CD86: variants seen among roughly 807,000 people sequenced by gnomAD.
The protein encoded by CD86 is CD86 molecule, also known as T-lymphocyte activation antigen CD86.
A neutral mutation model predicts 32.1 loss-of-function variants in CD86; 11 were observed. The ratio of observed to expected loss-of-function variants is 0.34; its 90% CI spans 0.22 to 0.57. CD86 has a LOEUF of 0.57. Among genes scored for constraint, CD86 ranks in the 20% least tolerant of loss-of-function variants. The pLI, the probability that CD86 is intolerant of heterozygous loss-of-function variation, is 0.86. For synonymous variants in CD86, 137 were observed against 135.3 expected, an observed-to-expected ratio of 1.01 and a Z score of -0.09; for missense variants, 359 against 398.4, an observed-to-expected ratio of 0.90 and a Z score of 0.84.
intron 2 of CD86, among the ~76,000 whole-genome samples, chr3:122,103,034 C>A (rs969454078): frequency 5.9e-5 from 9 of 151,882 alleles, no homozygotes; most frequent in African/African-American, 2.2e-4. Flanking sequence ...CATAGCAGAC[C>A]AAGGAATATG....
chr3:122,097,156 G>C (rs1395939283), intron 2 of CD86, among the ~76,000 whole-genome samples: 2 of 152,144 alleles, frequency 1.3e-5, no homozygotes, highest in East Asian at 3.9e-4. Context: ...TGGGCAAAAA[G>C]AATGGTTTCT....
chr3:122,082,922 G>A (rs2072654825), intron 1 of CD86, among the ~76,000 whole-genome samples: 1 of 152,218 alleles, frequency 6.6e-6, no homozygotes, highest in Non-Finnish European at 1.5e-5. Flanking sequence ...AGCATCCACT[G>A]TGGGATCAGT....
At chr3:122,100,391 C>T (rs1168195837) in intron 2 of CD86, among the ~76,000 whole-genome samples, 1 of 152,138 alleles carries the variant, frequency 6.6e-6, no homozygotes, top group African/African-American at 2.4e-5. Flanking sequence ...AAATAATAAC[C>T]TCAGGGAAAC....
At chr3:122,116,575 T>A (rs984759804) in intron 5 of CD86, among the ~76,000 whole-genome samples, 3 of 152,128 alleles carry the variant, frequency 2.0e-5, no homozygotes, top group East Asian at 1.9e-4. Context: ...ACAGAAATTT[T>A]AAAAAATTTA....
intron 1 of CD86, 94 bp downstream of exon 1, chr3:122,055,597 C>A: frequency 2.6e-6 from 3 of 1,143,334 alleles, no homozygotes; most frequent in Non-Finnish European, 4.0e-6. Flanking sequence ...GTGTGTCCTT[C>A]ACTTAGTTCC....
chr3:122,087,833 G>A (rs549921221), intron 1 of CD86, among the ~76,000 whole-genome samples: 4 of 152,182 alleles, frequency 2.6e-5, no homozygotes, highest in South Asian at 4.2e-4. Flanking sequence ...TAGTATTGAC[G>A]GAAGGAAGGT....
chr3:122,091,449 A>G, intron 1 of CD86, 152 bp from the exon 2 acceptor site: 2 of 679,152 alleles, frequency 2.9e-6, no homozygotes, highest in East Asian at 2.5e-5. Flanking sequence ...TAAGAGCAAA[A>G]GGAAATGGCT....
chr3:122,087,276 C>G (rs552786882), intron 1 of CD86, among the ~76,000 whole-genome samples: 8 of 152,282 alleles, frequency 5.3e-5, no homozygotes, highest in African/African-American at 1.9e-4. Context: ...CAGAAATCTC[C>G]TCTCAGAGAA....
chr3:122,103,716 C>T lies in CD86; in HGVS notation c.269C>T (p.Ser90Leu), dbSNP rs761419249. Residue 90 changes from serine (S) to leucine (L), a missense_variant, in exon 3 of 7, where the codon TCG (serine) becomes TTG (leucine). Ser to Leu is a moderately radical substitution (Grantham distance 145). Coordinates refer to ENST00000330540, the MANE Select transcript of CD86 (RefSeq NM_175862.5). ...SKYMGRTSFD[S>L]DSWTLRLHNL... is the part of the protein sequence containing the mutation. ...TATATGGGCCGCACAAGTTTTGATT[C>T]GGACAGTTGGACCCTGAGACTTCAC... 3.7e-5 allele frequency: 59 copies of T among 1,613,900 alleles called. No individual in the cohort carries two copies. Among genetic ancestry groups the T allele is most frequent in the East Asian group, 1.1e-4 (5 of 44,886 alleles).
chr3:122,070,688 G>T (rs544762389), intron 1 of CD86, among the ~76,000 whole-genome samples: 2 of 152,076 alleles, frequency 1.3e-5, no homozygotes, highest in Non-Finnish European at 2.9e-5. Flanking sequence ...TTTACCTAAG[G>T]AATTGACATA....
chr3:122,104,760 T>A (rs1467740338), intron 3 of CD86, among the ~76,000 whole-genome samples: 2 of 152,228 alleles, frequency 1.3e-5, no homozygotes, highest in Non-Finnish European at 2.9e-5. Context: ...CCCAAGTTGT[T>A]GCACATATCG....
intron 2 of CD86, among the ~76,000 whole-genome samples, chr3:122,101,289 G>C (rs2072995143): frequency 6.6e-6 from 1 of 151,796 alleles, no homozygotes; most frequent in Admixed American, 6.6e-5. Context: ...CAGAGATTCC[G>C]TGTTTCAGAC....
intron 5 of CD86, among the ~76,000 whole-genome samples, chr3:122,115,017 C>A (rs1218111091): frequency 6.6e-6 from 1 of 151,960 alleles, no homozygotes; most frequent in African/African-American, 2.4e-5. Context: ...GAGGTCATAG[C>A]CAGAGAAACA....
chr3:122,106,985 G>A (rs1195483790), intron 4 of CD86, among the ~76,000 whole-genome samples: 2 of 152,164 alleles, frequency 1.3e-5, no homozygotes, highest in Admixed American at 6.5e-5. Context: ...TGCCCTTGAG[G>A]ACCTTCCAAT....
At chr3:122,113,576 G>A (rs1576788031) in intron 5 of CD86, among the ~76,000 whole-genome samples, 1 of 151,902 alleles carries the variant, frequency 6.6e-6, no homozygotes, top group African/African-American at 2.4e-5. Flanking sequence ...ATCTCATGGT[G>A]GTTTTAATTT....
At chr3:122,069,790 C>T (rs1021843546) in intron 1 of CD86, among the ~76,000 whole-genome samples, 7 of 152,144 alleles carry the variant, frequency 4.6e-5, no homozygotes, top group African/African-American at 1.7e-4. Flanking sequence ...GCCCTGTCTC[C>T]ATCAGACCAG....
In CD86 at chr3:122,095,954, A is replaced by AT. The variant is rs995022032; in HGVS notation, c.64+4312dup. ...AGAGAGGCTCCCAAGGCAAGCAGAC[A>AT]TTTTTTTTGGAAGAAGCAAGTGTTT... On this transcript the variant is annotated intron_variant, in intron 2 of 6. Transcript: ENST00000330540. Among the ~76,000 whole-genome samples, 44 of 151,946 alleles carry AT rather than the reference A, an allele frequency of 2.9e-4. 1 individual carries two copies. Among genetic ancestry groups the AT allele is most frequent in the Admixed American group, 1.6e-3 (24 of 15,252 alleles).
intron 1 of CD86, chr3:122,086,693 C>A (rs1310641802): frequency 4.5e-6 from 2 of 446,066 alleles, no homozygotes; most frequent in African/African-American, 4.0e-5. Context: ...AACAGCAGCT[C>A]AGGGCAGAAA....
Position 122,119,871 on chromosome 3 carries a change from T to G in CD86, c.*337T>G. On this transcript the variant is annotated 3_prime_UTR_variant, in exon 7 of 7. Coordinates refer to ENST00000330540, the MANE Select transcript of CD86 (RefSeq NM_175862.5). Reference sequence around the variant, plus strand: ...TAATTTCATAGATTGTGTTTTTTTTTTAAATAGACCTCTCAATTTCTGGAA... The same window carrying G: ...TAATTTCATAGATTGTGTTTTTTTTGTAAATAGACCTCTCAATTTCTGGAA... 1 of 184,264 alleles carries G rather than the reference T, an allele frequency of 5.4e-6. No individual in the cohort carries two copies. The highest frequency in any genetic ancestry group is 1.1e-5 in the Non-Finnish European group (1 of 90,462). The allele number at this position is 184,264 out of a possible 1,614,324, so 11.4% of individuals were successfully genotyped here.
Sources: gnomAD v4.1 joint callset for allele counts (sites outside exome capture counted in the v4.1 genomes callset) on GRCh38, gnomAD v4.1.1 for gene constraint, MANE v1.5 for transcripts, NCBI Gene and HGNC (gene_info 2026-07-23, HGNC 2026-07-21) for gene names.